Variants in SNTB1 observed in about 807,000 individuals in gnomAD.
SNTB1 encodes beta-1-syntrophin.
SNTB1 carries 36 observed loss-of-function variants against 48.9 expected under a neutral mutation model. The ratio of observed to expected loss-of-function variants is 0.74; its 90% CI spans 0.56 to 0.97. SNTB1 has a LOEUF of 0.97. Among genes scored for constraint, SNTB1 ranks in the 50% least tolerant of loss-of-function variants. The pLI is 0.00. For synonymous variants in SNTB1, 299 were observed against 294.6 expected, an observed-to-expected ratio of 1.01 and a Z score of -0.15; for missense variants, 786 against 703.4, an observed-to-expected ratio of 1.12 and a Z score of -1.33.
At chr8:120,605,141 G>A (rs1390239344) in intron 3 of SNTB1, among the ~76,000 whole-genome samples, 3 of 152,214 alleles carry the variant, frequency 2.0e-5, no homozygotes, top group Non-Finnish European at 2.9e-5. Flanking sequence ...AGTGGATGAT[G>A]TATAAGCTTC....
chr8:120,538,967 T>A lies in SNTB1; in HGVS notation c.1527A>T (p.Gln509His), dbSNP rs750620687. The A allele has an allele frequency of 6.2e-7, 1 of 1,607,514 alleles. No individual in the cohort carries two copies. Among genetic ancestry groups the A allele is most frequent in the South Asian group, 1.1e-5 (1 of 89,678 alleles). ...GCTTGGGGCAGGAATGAAGGTCCAG[T>A]TGCTGAAATTTAAAAAGAAGAGAGC... ...LDFGGKDGEI[Q>H]LDLHSCPKPI... Residue 509 changes from glutamine (Q) to histidine (H), a missense_variant and splice_region_variant, in exon 7 of 7, where the codon CAA becomes CAT. Physicochemically the swap from Gln to His is conservative, Grantham distance 24. Coordinates refer to ENST00000517992, the MANE Select transcript of SNTB1 (RefSeq NM_021021.4).
chr8:120,658,974 C>T (rs28852085), intron 2 of SNTB1, among the ~76,000 whole-genome samples: 87,752 of 148,528 alleles, frequency 0.59, 25,743 homozygotes, highest in South Asian at 0.71. Context: ...TTTTTTTTTT[C>T]TTTTCCTGAG....
Position 120,542,002 on chromosome 8 carries a change from T to TGAGAGAGAAA in SNTB1, c.1334-12_1334-3dup. ...ACTCCTGGTTTTTGTAGGTGCAAGC[T>TGAGAGAGAAA]GAGAGAGAAAGAGAGAGAAAAAGAG... On this transcript the variant is annotated splice_polypyrimidine_tract_variant and splice_region_variant and intron_variant, in intron 5 of 6. Coordinates refer to ENST00000517992, the MANE Select transcript of SNTB1 (RefSeq NM_021021.4). 4 of 1,612,046 alleles carry TGAGAGAGAAA rather than the reference T, an allele frequency of 2.5e-6. No homozygotes were observed. The highest frequency in any genetic ancestry group is 3.4e-6 in the Non-Finnish European group (4 of 1,179,182).
chr8:120,634,945 A>G (rs1048827784), intron 2 of SNTB1, among the ~76,000 whole-genome samples: 39 of 148,388 alleles, frequency 2.6e-4, no homozygotes, highest in Admixed American at 2.7e-4. Context: ...TCCGCCTCCC[A>G]GGTTCACGCC....
At chr8:120,641,780 TGTATA>T (rs1817200738) in intron 2 of SNTB1, among the ~76,000 whole-genome samples, 1 of 152,236 alleles carries the variant, frequency 6.6e-6, no homozygotes, top group African/African-American at 2.4e-5. Context: ...AAATTCCTTT[TGTATA>T]CCCTTTCCAG....
chr8:120,586,597 C>T (rs978107821), intron 3 of SNTB1, among the ~76,000 whole-genome samples: 9 of 152,208 alleles, frequency 5.9e-5, no homozygotes, highest in African/African-American at 1.9e-4. Context: ...TCTGGATGAT[C>T]CGGGATCCTC....
intron 1 of SNTB1, among the ~76,000 whole-genome samples, chr8:120,810,507 A>G (rs968791282): frequency 5.3e-5 from 8 of 152,208 alleles, no homozygotes; most frequent in Admixed American, 1.3e-4. Context: ...AGTTGTTTCC[A>G]CACCACTCAG....
At chr8:120,730,423 G>C (rs778954231) in intron 1 of SNTB1, among the ~76,000 whole-genome samples, 1 of 152,054 alleles carries the variant, frequency 6.6e-6, no homozygotes, top group Non-Finnish European at 1.5e-5. Context: ...CCTGACCTCA[G>C]GTGATCCACC....
Position 120,811,887 on chromosome 8 carries a change from A to G in SNTB1, c.-44T>C, listed in dbSNP as rs1165461067. The stretch of plus-strand genomic sequence containing the variant: ...ATGCCATGTGATTGGAAAAGGGGGG[A>G]AAAGTGGGGAAGGGTGGCCGGGGGG... On this transcript the variant is annotated 5_prime_UTR_variant, in exon 1 of 7. Coordinates refer to ENST00000517992, the MANE Select transcript of SNTB1 (RefSeq NM_021021.4). 20 of 1,308,824 alleles carry G rather than the reference A, an allele frequency of 1.5e-5. No homozygotes were observed. Among genetic ancestry groups the G allele is most frequent in the Middle Eastern group, 2.7e-4 (1 of 3,644 alleles). The allele number at this position is 1,308,824 out of a possible 1,614,324, so 81.1% of individuals were successfully genotyped here.
intron 1 of SNTB1, among the ~76,000 whole-genome samples, chr8:120,771,016 T>C (rs1180848712): frequency 6.6e-6 from 1 of 152,198 alleles, no homozygotes; most frequent in Non-Finnish European, 1.5e-5. Flanking sequence ...ATTTCCTGGA[T>C]TGTCATTTTT....
intron 4 of SNTB1, among the ~76,000 whole-genome samples, chr8:120,563,424 T>C (rs1815696661): frequency 6.6e-6 from 1 of 152,148 alleles, no homozygotes; most frequent in African/African-American, 2.4e-5. Flanking sequence ...CTGAGCGCAC[T>C]GCTATAAACT....
chr8:120,779,710 C>T (rs908746146), intron 1 of SNTB1, among the ~76,000 whole-genome samples: 5 of 151,968 alleles, frequency 3.3e-5, no homozygotes, highest in Non-Finnish European at 5.9e-5. Flanking sequence ...GGGACAGAGC[C>T]GGAGCGTTAG....
chr8:120,655,602 T>C (rs192863690), intron 2 of SNTB1, among the ~76,000 whole-genome samples: 158 of 152,324 alleles, frequency 1.0e-3, no homozygotes, highest in Non-Finnish European at 1.6e-3. Context: ...TCTTAATCAT[T>C]ATGCTCCATC....
intron 1 of SNTB1, among the ~76,000 whole-genome samples, chr8:120,737,013 A>T (rs989823471): frequency 1.3e-5 from 2 of 152,162 alleles, no homozygotes; most frequent in Non-Finnish European, 2.9e-5. Context: ...AAATGGTTTG[A>T]CTGTTCATCA....
At chr8:120,584,438 CAAAAAA>C (rs11443743) in intron 3 of SNTB1, among the ~76,000 whole-genome samples, 2 of 57,076 alleles carry the variant, frequency 3.5e-5, no homozygotes, top group Non-Finnish European at 5.7e-5. Context: ...AACTCCATCT[CAAAAAA>C]AAAAAAAAAA....
At position 120,632,438 on chromosome 8, in the gene SNTB1, C is replaced by T. The variant is rs1468533757; in HGVS notation, c.996+6G>A. On this transcript the variant is annotated splice_donor_region_variant and intron_variant, in intron 3 of 6. Coordinates refer to ENST00000517992, the MANE Select transcript of SNTB1 (RefSeq NM_021021.4). ...CGACTATTACAGAGGAAGGTATTTTCCTTACCTTTTCTGCAAGCCAGCCAA... is the reference window on the plus strand; with the variant it reads ...CGACTATTACAGAGGAAGGTATTTTTCTTACCTTTTCTGCAAGCCAGCCAA... The T allele has an allele frequency of 8.1e-6, 13 of 1,612,534 alleles. No homozygotes were observed. Among genetic ancestry groups the T allele is most frequent in the Middle Eastern group, 1.7e-4 (1 of 6,054 alleles).
At chr8:120,639,081 A>G (rs947567409) in intron 2 of SNTB1, among the ~76,000 whole-genome samples, 1 of 152,192 alleles carries the variant, frequency 6.6e-6, no homozygotes, top group Non-Finnish European at 1.5e-5. Flanking sequence ...AATGATCGCC[A>G]TTCTAACTGG....
intron 1 of SNTB1, among the ~76,000 whole-genome samples, chr8:120,750,447 T>C (rs922624358): frequency 6.6e-6 from 1 of 152,178 alleles, no homozygotes; most frequent in African/African-American, 2.4e-5. Flanking sequence ...TTTCACCTTA[T>C]GTTGATAACA....
chr8:120,557,723 G>A (rs1815588198), intron 4 of SNTB1, among the ~76,000 whole-genome samples: 1 of 152,180 alleles, frequency 6.6e-6, no homozygotes, highest in African/African-American at 2.4e-5. Flanking sequence ...CAGGGTAGGA[G>A]CCTGGTCTCC....
Sources: allele counts gnomAD v4.1 joint callset (sites outside exome capture counted in the v4.1 genomes callset), GRCh38; gene constraint gnomAD v4.1.1; transcripts MANE v1.5; gene names NCBI Gene and HGNC (gene_info 2026-07-23, HGNC 2026-07-21).